Variants in BCAS3 observed in about 807,000 individuals in gnomAD.
BCAS3 encodes BCAS3 microtubule associated cell migration factor.
In BCAS3, 53 loss-of-function variants were observed where a neutral mutation model predicts 116.1. The observed-to-expected ratio is 0.46, with a 90% CI of 0.37 to 0.57. The LOEUF is 0.57. Among genes scored for constraint, BCAS3 ranks in the 20% least tolerant of loss-of-function variants. The pLI is 0.00. For synonymous variants in BCAS3, 391 were observed against 408.2 expected, an observed-to-expected ratio of 0.96 and a Z score of 0.51; for missense variants, 917 against 1,165.4, an observed-to-expected ratio of 0.79 and a Z score of 3.10.
In BCAS3 at chr17:61,302,427, TC is replaced by T. The variant is rs1426315451; in HGVS notation, c.2426-65898del. On this transcript the variant is annotated intron_variant, in intron 22 of 23. Transcript: ENST00000407086. This position sits in a 1 kb window ranked among gnomAD's most constrained non-coding sequence, Gnocchi z 4.4. ...TATTCCAATAATGAAATGCAAATTT[TC>T]CTGCCTTTTTACTATGGTCATTTTT... is the stretch of plus-strand genomic sequence containing the variant. Among the ~76,000 whole-genome samples, 1 of 152,246 alleles carries T rather than the reference TC, an allele frequency of 6.6e-6. No individual in the cohort carries two copies. The highest frequency in any genetic ancestry group is 1.9e-4 in the East Asian group (1 of 5,200).
intron 5 of BCAS3, among the ~76,000 whole-genome samples, chr17:60,746,752 T>A (rs1017980952): frequency 9.9e-5 from 15 of 152,208 alleles, no homozygotes; most frequent in African/African-American, 3.4e-4. Flanking sequence ...ACCATAAGTA[T>A]ACCTAAGTTA....
chr17:61,172,631 C>T (rs1601714965), intron 22 of BCAS3, among the ~76,000 whole-genome samples: 2 of 150,492 alleles, frequency 1.3e-5, no homozygotes, highest in East Asian at 2.0e-4. Context: ...AGCGAGACTC[C>T]GTCTCAAAAA....
chr17:60,914,380 T>G (rs2145116495), intron 12 of BCAS3, among the ~76,000 whole-genome samples: 1 of 152,348 alleles, frequency 6.6e-6, no homozygotes, highest in African/African-American at 2.4e-5. Context: ...GTAAGATTAA[T>G]GTGCCTTTTT....
chr17:61,371,597 T>C lies in BCAS3; in HGVS notation c.2593+3103T>C, dbSNP rs28504402. Among the ~76,000 whole-genome samples, 644 of 152,354 alleles carry C rather than the reference T, an allele frequency of 4.2e-3. 1 individual carries two copies. Among genetic ancestry groups the C allele is most frequent in the African/African-American group, 0.014 (562 of 41,584 alleles). ...GAAGTGTTCTCGACACAAAAAATGT[T>C]AAGTATGTGAGGTAATGCATGTTAA... On this transcript the variant is annotated intron_variant, in intron 23 of 23. Coordinates refer to ENST00000407086, the MANE Select transcript of BCAS3 (RefSeq NM_017679.5).
intron 22 of BCAS3, among the ~76,000 whole-genome samples, chr17:61,178,855 GT>G: frequency 6.6e-6 from 1 of 152,252 alleles, no homozygotes; most frequent in East Asian, 1.9e-4. Context: ...AACAAATGAA[GT>G]TTACGTACCC....
At chr17:61,216,601 A>G (rs1271103990) in intron 22 of BCAS3, among the ~76,000 whole-genome samples, 2 of 151,400 alleles carry the variant, frequency 1.3e-5, no homozygotes, top group African/African-American at 2.4e-5. Context: ...GCTGAAGTGC[A>G]ATGGCAATCT....
intron 9 of BCAS3, among the ~76,000 whole-genome samples, chr17:60,875,793 T>C (rs1005494525): frequency 3.9e-5 from 6 of 152,012 alleles, no homozygotes; most frequent in Non-Finnish European, 7.4e-5. Flanking sequence ...GCCATTTCTT[T>C]TCCTGTAAAG....
At chr17:61,089,773 C>G (rs2040482338) in intron 22 of BCAS3, among the ~76,000 whole-genome samples, 1 of 151,540 alleles carries the variant, frequency 6.6e-6, no homozygotes, top group African/African-American at 2.4e-5. Context: ...CTCAGGTGAT[C>G]CACCCACCTC....
intron 5 of BCAS3, among the ~76,000 whole-genome samples, chr17:60,743,823 A>C (rs2041804562): frequency 6.6e-6 from 1 of 152,148 alleles, no homozygotes; most frequent in African/African-American, 2.4e-5. Flanking sequence ...TAGCTGTTGT[A>C]ATTTCCTTTT....
chr17:61,198,338 C>T lies in BCAS3; in HGVS notation c.2425+113774C>T, dbSNP rs985541347. Among the ~76,000 whole-genome samples the T allele has an allele frequency of 6.6e-6, 1 of 152,116 alleles. No homozygotes were observed. The highest frequency in any genetic ancestry group is 2.4e-5 in the African/African-American group (1 of 41,428). On this transcript the variant is annotated intron_variant, in intron 22 of 23. Coordinates refer to ENST00000407086, the MANE Select transcript of BCAS3 (RefSeq NM_017679.5). This position sits in a 1 kb window ranked among gnomAD's most constrained non-coding sequence, Gnocchi z 5.0. ...TGCATTTTTAGTAGAGATGGGGTTTCACCGTGTTAGCCAGGATGTTCTCGA... is the reference window on the plus strand; with the variant it reads ...TGCATTTTTAGTAGAGATGGGGTTTTACCGTGTTAGCCAGGATGTTCTCGA...
chr17:60,926,675 T>C (rs2059381188), intron 13 of BCAS3, among the ~76,000 whole-genome samples: 1 of 152,208 alleles, frequency 6.6e-6, no homozygotes, highest in Admixed American at 6.5e-5. Context: ...CATATTGATA[T>C]TCCATCTGTT....
intron 7 of BCAS3, chr17:60,851,653 AAAG>A (rs1490950661): frequency 5.4e-6 from 4 of 740,234 alleles, no homozygotes; most frequent in Non-Finnish European, 1.0e-5. Context: ...GAAAGAAACT[AAAG>A]AAGATTTACC....
At chr17:61,274,281 ATTTTTTTTTT>A (rs780529516) in intron 22 of BCAS3, among the ~76,000 whole-genome samples, 1 of 96,240 alleles carries the variant, frequency 1.0e-5, no homozygotes, top group Non-Finnish European at 2.0e-5. Context: ...AAATCTTTGA[ATTTTTTTTTT>A]TTTTTTTTTT....
rs1438511841 is a variant in BCAS3 at position 61,248,576 on chromosome 17, G to A, written c.2426-119751G>A. On this transcript the variant is annotated intron_variant, in intron 22 of 23. Coordinates refer to ENST00000407086, the MANE Select transcript of BCAS3 (RefSeq NM_017679.5). The surrounding 1 kb of genome is among the most constrained non-coding windows in gnomAD (Gnocchi z 4.3). The stretch of plus-strand genomic sequence containing the variant: ...AGTCCATCTGGTGAGAATTTGTCTG[G>A]TTTGTGCTTCCTCAGCAGGGAGGAA... Among the ~76,000 whole-genome samples the A allele has an allele frequency of 2.6e-5, 4 of 152,158 alleles. No individual in the cohort carries two copies. In the South Asian group the frequency reaches 6.2e-4, roughly 24 times the overall value.
chr17:60,931,028 A>T (rs1219330786), intron 13 of BCAS3, among the ~76,000 whole-genome samples: 1 of 152,164 alleles, frequency 6.6e-6, no homozygotes, highest in Non-Finnish European at 1.5e-5. Context: ...TGAAACTTCT[A>T]GTTCAGCAGC....
intron 14 of BCAS3, among the ~76,000 whole-genome samples, chr17:60,957,772 C>T (rs2061216985): frequency 2.0e-5 from 3 of 152,164 alleles, no homozygotes; most frequent in African/African-American, 7.2e-5. Flanking sequence ...CTTCAAGTTA[C>T]TCTTCTGTAA....
At chr17:61,010,068 CT>C (rs1189821266) in intron 15 of BCAS3, among the ~76,000 whole-genome samples, 14,524 of 110,996 alleles carry the variant, frequency 0.13, 2,419 homozygotes, top group African/African-American at 0.44. Context: ...CAGACTCTGT[CT>C]TTTTTTTTTT....
chr17:60,788,523 G>A (rs1035719355), intron 6 of BCAS3, among the ~76,000 whole-genome samples: 2 of 152,134 alleles, frequency 1.3e-5, no homozygotes, highest in Non-Finnish European at 2.9e-5. Context: ...AAGTCACTGT[G>A]GAGGCTAAAA....
rs1484041088 is a variant in BCAS3, at chr17:61,325,110, G to T, written c.2426-43217G>T. Among the ~76,000 whole-genome samples the T allele has an allele frequency of 6.6e-6, 1 of 152,136 alleles. No homozygotes were observed. The highest frequency in any genetic ancestry group is 2.4e-5 in the African/African-American group (1 of 41,426). On this transcript the variant is annotated intron_variant, in intron 22 of 23. Transcript: ENST00000407086. The surrounding 1 kb of genome is among the most constrained non-coding windows in gnomAD (Gnocchi z 6.4). ...GCTTTAAAACCCCGCTCCCTCCACTGCCAAATGAGTTGCTGATGGGAATTT... is the reference window on the plus strand; with the variant it reads ...GCTTTAAAACCCCGCTCCCTCCACTTCCAAATGAGTTGCTGATGGGAATTT...
Sources: gnomAD v4.1 joint callset for allele counts (sites outside exome capture counted in the v4.1 genomes callset) on GRCh38, gnomAD v4.1.1 for gene constraint, Gnocchi (gnomAD v3.1) non-coding constraint, MANE v1.5 for transcripts, NCBI Gene and HGNC (gene_info 2026-07-23, HGNC 2026-07-21) for gene names.